SLC4A7: variants seen among roughly 807,000 people sequenced by gnomAD.
SLC4A7 encodes the protein sodium bicarbonate cotransporter 3.
Under a neutral mutation model 137.6 loss-of-function variants are expected in SLC4A7, and 51 were observed. That is an observed-to-expected ratio of 0.37 (90% CI 0.30 to 0.47). The LOEUF is 0.47. Ranked by LOEUF, SLC4A7 falls within the 20% of genes least tolerant of loss-of-function variation. SLC4A7 has a pLI of 1.00. For synonymous variants in SLC4A7, 542 were observed against 518.6 expected, an observed-to-expected ratio of 1.05 and a Z score of -0.61; for missense variants, 1,247 against 1,525.4, an observed-to-expected ratio of 0.82 and a Z score of 3.04.
intron 3 of SLC4A7, among the ~76,000 whole-genome samples, chr3:27,443,118 G>A (rs1481882775): frequency 7.3e-6 from 1 of 136,072 alleles, no homozygotes; most frequent in African/African-American, 2.8e-5. Flanking sequence ...TGCAACCTCT[G>A]CCTCCCGCAT....
intron 16 of SLC4A7, among the ~76,000 whole-genome samples, chr3:27,399,086 A>T (rs1031160378): frequency 6.6e-6 from 1 of 152,056 alleles, no homozygotes; most frequent in East Asian, 1.9e-4. Flanking sequence ...TCTTACTTAT[A>T]ATCTAATGAA....
In SLC4A7 at chr3:27,397,823, T is replaced by C. The variant is rs375419923; in HGVS notation, c.2590-26A>G. 10 of 1,265,224 alleles carry C rather than the reference T, an allele frequency of 7.9e-6. No homozygotes were observed. The African/African-American group carries it at 8.9e-5, about 11-fold the overall frequency. The allele number at this position is 1,265,224 out of a possible 1,614,324, so 78.4% of individuals were successfully genotyped here. On this transcript the variant is annotated intron_variant, in intron 17 of 25. Coordinates refer to ENST00000454389, the MANE Select transcript of SLC4A7 (RefSeq NM_001321103.2). ...CTATGTTAAAGGGATTATGTTAATA[T>C]AAACACAGAAATACTATGTGTTCTT...
intron 19 of SLC4A7, 73 bp from the exon 20 acceptor site, chr3:27,394,842 T>C (rs2051973797): frequency 6.4e-7 from 1 of 1,557,644 alleles, no homozygotes; most frequent in Admixed American, 1.9e-5. Context: ...ACACGAATTA[T>C]AAAGAGGGAA....
intron 1 of SLC4A7, among the ~76,000 whole-genome samples, chr3:27,481,051 T>G (rs1341135306): frequency 1.3e-5 from 2 of 152,230 alleles, no homozygotes; most frequent in African/African-American, 4.8e-5. Context: ...GGTATCAGAA[T>G]TGTGTTATAT....
At chr3:27,429,118 T>C (rs1166343727) in intron 7 of SLC4A7, among the ~76,000 whole-genome samples, 2 of 151,720 alleles carry the variant, frequency 1.3e-5, no homozygotes, top group Non-Finnish European at 2.9e-5. Context: ...ATACAAAAAT[T>C]AGCCAGGCGT....
intron 20 of SLC4A7, among the ~76,000 whole-genome samples, chr3:27,392,193 T>C (rs188876082): frequency 6.6e-6 from 1 of 152,312 alleles, no homozygotes; most frequent in Non-Finnish European, 1.5e-5. Flanking sequence ...ACCATTGTCA[T>C]TGCTATCACT....
At chr3:27,427,142 G>A (rs1403581273) in intron 7 of SLC4A7, among the ~76,000 whole-genome samples, 2 of 152,130 alleles carry the variant, frequency 1.3e-5, no homozygotes, top group Non-Finnish European at 1.5e-5. Flanking sequence ...CAACTCGGGG[G>A]TGCTGCAGGC....
chr3:27,394,855 A>T, intron 19 of SLC4A7, 86 bp from the exon 20 acceptor site: 1 of 1,544,276 alleles, frequency 6.5e-7, no homozygotes, highest in Non-Finnish European at 8.7e-7. Flanking sequence ...AGAGGGAAGA[A>T]GCTAATTTTC....
chr3:27,392,476 T>C (rs1438913535), intron 20 of SLC4A7, among the ~76,000 whole-genome samples: 1 of 152,226 alleles, frequency 6.6e-6, no homozygotes, highest in South Asian at 2.1e-4. Flanking sequence ...CTACATCTCT[T>C]CTAAACAACC....
intron 1 of SLC4A7, among the ~76,000 whole-genome samples, chr3:27,471,350 A>G (rs1012157364): frequency 1.3e-5 from 2 of 152,202 alleles, no homozygotes; most frequent in Admixed American, 6.5e-5. Context: ...AAGCAGGCAG[A>G]GGCTAGTCAG....
chr3:27,424,637 C>T (rs1331527438), intron 7 of SLC4A7: 1 of 152,250 alleles, frequency 6.6e-6, no homozygotes, highest in Non-Finnish European at 1.5e-5. Flanking sequence ...ACATAATCTC[C>T]CATAATCAGA....
intron 3 of SLC4A7, among the ~76,000 whole-genome samples, chr3:27,438,299 G>A (rs2056903770): frequency 6.6e-6 from 1 of 150,826 alleles, no homozygotes; most frequent in African/African-American, 2.4e-5. Context: ...GAGGTCAGCA[G>A]TTGGAGACCA....
chr3:27,459,301 A>C (rs1261501453), intron 1 of SLC4A7, among the ~76,000 whole-genome samples: 2 of 152,240 alleles, frequency 1.3e-5, no homozygotes, highest in Admixed American at 6.5e-5. Flanking sequence ...AACGTTTCCC[A>C]TTTAACACTA....
chr3:27,380,898 T>C (rs930392867), intron 24 of SLC4A7, among the ~76,000 whole-genome samples: 2 of 152,212 alleles, frequency 1.3e-5, no homozygotes, highest in African/African-American at 2.4e-5. Flanking sequence ...TGATAAACCT[T>C]CTAGCTTCTA....
At chr3:27,402,901 C>T (rs2055123) in intron 15 of SLC4A7, among the ~76,000 whole-genome samples, 44,559 of 151,864 alleles carry the variant, frequency 0.29, 8,284 homozygotes, top group East Asian at 0.74. Flanking sequence ...AAGACCAAAA[C>T]ATACACATGT....
At chr3:27,477,991 C>A (rs73151878) in intron 1 of SLC4A7, among the ~76,000 whole-genome samples, 3,092 of 152,272 alleles carry the variant, frequency 0.02, 111 homozygotes, top group African/African-American at 0.071. Flanking sequence ...TGTGAATCTA[C>A]TGTCAAAAGT....
At chr3:27,390,462 C>T (rs540475129) in intron 21 of SLC4A7, 1 of 169,022 alleles carries the variant, frequency 5.9e-6, no homozygotes, top group East Asian at 1.6e-4. Flanking sequence ...AAAGAATAGT[C>T]TGAGTGACTT....
chr3:27,405,437 T>C (rs1295820935), intron 13 of SLC4A7, among the ~76,000 whole-genome samples: 2 of 152,132 alleles, frequency 1.3e-5, no homozygotes, highest in Non-Finnish European at 2.9e-5. Context: ...AAAGAGTAAA[T>C]GGGAGAGACA....
intron 1 of SLC4A7, among the ~76,000 whole-genome samples, chr3:27,475,812 A>G (rs2059439019): frequency 6.6e-6 from 1 of 152,136 alleles, no homozygotes; most frequent in Admixed American, 6.6e-5. Context: ...TAAAGACAAA[A>G]TATTACTGAA....
Sources: allele counts gnomAD v4.1 joint callset (sites outside exome capture counted in the v4.1 genomes callset), GRCh38; gene constraint gnomAD v4.1.1; transcripts MANE v1.5; gene names NCBI Gene and HGNC (gene_info 2026-07-23, HGNC 2026-07-21).